Variants in CLYBL observed in about 807,000 individuals in gnomAD.
CLYBL encodes the protein citramalyl-CoA lyase, mitochondrial.
Under a neutral mutation model 38.9 loss-of-function variants are expected in CLYBL, and 31 were observed. The ratio of observed to expected loss-of-function variants is 0.80; its 90% CI spans 0.60 to 1.08. The LOEUF is 1.08. CLYBL is among the 50% of genes least tolerant of loss of function. CLYBL has a pLI of 0.00. For synonymous variants in CLYBL, 171 were observed against 158.6 expected (o/e 1.08, Z -0.59); for missense variants, 434 against 411.6 (o/e 1.05, Z -0.47).
chr13:99,834,349 G>A (rs763663262), intron 2 of CLYBL, among the ~76,000 whole-genome samples: 5 of 152,158 alleles, frequency 3.3e-5, no homozygotes, highest in Non-Finnish European at 7.4e-5. Context: ...ATACGAGTAG[G>A]TCCTGTCCCA....
intron 1 of CLYBL, among the ~76,000 whole-genome samples, chr13:99,652,220 A>G (rs569804702): frequency 1.3e-5 from 2 of 152,302 alleles, no homozygotes; most frequent in South Asian, 2.1e-4. Flanking sequence ...CTCCTTGATG[A>G]TAATCCCAGC....
intron 1 of CLYBL, among the ~76,000 whole-genome samples, chr13:99,769,922 C>T (rs150129723): frequency 3.6e-4 from 55 of 152,264 alleles, no homozygotes; most frequent in Non-Finnish European, 7.2e-4. Flanking sequence ...TGAAATGTTA[C>T]AACCGTGCAA....
At chr13:99,884,384 C>T (rs933404058) in intron 7 of CLYBL, among the ~76,000 whole-genome samples, 6 of 152,160 alleles carry the variant, frequency 3.9e-5, no homozygotes, top group Non-Finnish European at 8.8e-5. Flanking sequence ...CCATCATGTG[C>T]CCTGGTCTGT....
At chr13:99,721,971 T>A (rs1255630616) in intron 1 of CLYBL, among the ~76,000 whole-genome samples, 1 of 152,176 alleles carries the variant, frequency 6.6e-6, no homozygotes, top group Admixed American at 6.5e-5. Context: ...CTTGAACAAG[T>A]TTTAATTTTT....
chr13:99,740,154 A>T (rs548265243), intron 1 of CLYBL, among the ~76,000 whole-genome samples: 2 of 152,326 alleles, frequency 1.3e-5, no homozygotes, highest in Non-Finnish European at 2.9e-5. Flanking sequence ...CTTCAAACTT[A>T]AAGAAATTTG....
intron 2 of CLYBL, among the ~76,000 whole-genome samples, chr13:99,847,319 CG>C (rs1297269571): frequency 2.0e-5 from 3 of 152,192 alleles, no homozygotes; most frequent in African/African-American, 7.2e-5. Flanking sequence ...AAGCTAGGTA[CG>C]AGGTCCTTTG....
chr13:99,795,504 A>G (rs1446086261), intron 2 of CLYBL, among the ~76,000 whole-genome samples: 2 of 152,060 alleles, frequency 1.3e-5, no homozygotes, highest in African/African-American at 4.8e-5. Context: ...AGAAAAAAAA[A>G]TTACCCAGGC....
chr13:99,702,014 C>A (rs185528613), intron 1 of CLYBL, among the ~76,000 whole-genome samples: 2 of 152,322 alleles, frequency 1.3e-5, no homozygotes, highest in East Asian at 3.9e-4. Context: ...AACATTCAAA[C>A]CCAGGTGTGT....
At chr13:99,871,980 T>C (rs1422689686) in intron 7 of CLYBL, among the ~76,000 whole-genome samples, 1 of 141,840 alleles carries the variant, frequency 7.1e-6, no homozygotes, top group Non-Finnish European at 1.5e-5. Context: ...ATATTAAACA[T>C]TCCCCCCTGC....
intron 2 of CLYBL, among the ~76,000 whole-genome samples, chr13:99,839,175 C>G (rs114719680): frequency 1.3e-5 from 2 of 152,180 alleles, no homozygotes. Flanking sequence ...GCAGTGGGAG[C>G]GCCTGCTCAG....
At chr13:99,770,016 T>C (rs1483871654) in intron 1 of CLYBL, among the ~76,000 whole-genome samples, 1 of 152,158 alleles carries the variant, frequency 6.6e-6, no homozygotes, top group Non-Finnish European at 1.5e-5. Context: ...TCATGCTATT[T>C]ATCTAGGGAG....
At chr13:99,775,527 A>G (rs932469076) in intron 2 of CLYBL, among the ~76,000 whole-genome samples, 1 of 151,910 alleles carries the variant, frequency 6.6e-6, no homozygotes, top group Non-Finnish European at 1.5e-5. Context: ...CATTAAAAAA[A>G]TTTTTTTTGG....
At chr13:99,636,046 A>T (rs9582330) in intron 1 of CLYBL, among the ~76,000 whole-genome samples, 2,048 of 152,276 alleles carry the variant, frequency 0.013, 47 homozygotes, top group African/African-American at 0.046. Flanking sequence ...TTCAACTTTT[A>T]ATGAGTTTGA....
At chr13:99,890,244 C>T (rs750308907) in intron 7 of CLYBL, among the ~76,000 whole-genome samples, 1 of 152,136 alleles carries the variant, frequency 6.6e-6, no homozygotes, top group Non-Finnish European at 1.5e-5. Flanking sequence ...GTCACATGAC[C>T]TTGGAAGATC....
intron 1 of CLYBL, among the ~76,000 whole-genome samples, chr13:99,750,487 A>G (rs2048934579): frequency 6.6e-6 from 1 of 152,124 alleles, no homozygotes; most frequent in African/African-American, 2.4e-5. Context: ...CAGCCTGGCC[A>G]ACATGGTGAA....
At chr13:99,853,088 G>GT (rs56091123) in intron 2 of CLYBL, among the ~76,000 whole-genome samples, 101,226 of 151,304 alleles carry the variant, frequency 0.67, 34,198 homozygotes, top group East Asian at 0.77. Context: ...TCTGACAAAT[G>GT]TATAGGTTTG....
intron 1 of CLYBL, among the ~76,000 whole-genome samples, chr13:99,617,285 G>A (rs2046725752): frequency 6.6e-6 from 1 of 150,878 alleles, no homozygotes; most frequent in Non-Finnish European, 1.5e-5. Flanking sequence ...GCTAAAAATT[G>A]GCACTTTTTT....
intron 7 of CLYBL, 23 bp downstream of exon 7, chr13:99,871,085 G>T (rs747225277): frequency 6.2e-7 from 1 of 1,612,302 alleles, no homozygotes; most frequent in Non-Finnish European, 8.5e-7. Flanking sequence ...TTAATGCCTT[G>T]GGTGAGAGCA....
In CLYBL at chr13:99,754,902, CT is replaced by C. The variant is rs371004687; in HGVS notation, c.63-17909del. Among the ~76,000 whole-genome samples, 497 of 135,818 alleles carry C rather than the reference CT, an allele frequency of 3.7e-3. 1 individual carries two copies. Among genetic ancestry groups the C allele is most frequent in the South Asian group, 0.016 (69 of 4,284 alleles). 89.1% of individuals were successfully genotyped at this position (135,818 alleles called of 152,430 possible). A position where few individuals can be genotyped will look rare whatever the true frequency, so the allele number is the denominator to read the frequency against. On this transcript the variant is annotated intron_variant, in intron 1 of 8. Transcript: ENST00000339105. ...CCACCCCACCCAGCCTAGATGATCT[CT>C]TTTTTTTTTTTTGAGACGGAGTCTC...
Sources: gnomAD v4.1 joint callset for allele counts (sites outside exome capture counted in the v4.1 genomes callset) on GRCh38, gnomAD v4.1.1 for gene constraint, MANE v1.5 for transcripts, NCBI Gene and HGNC (gene_info 2026-07-23, HGNC 2026-07-21) for gene names.